SAMTOR: variants seen among roughly 807,000 people sequenced by gnomAD.
SAMTOR encodes S-adenosylmethionine sensor upstream of mTORC1.
chr7:112,939,715 A>G, the SAMTOR span: 8 of 1,608,902 alleles, frequency 5.0e-6, no homozygotes, highest in Non-Finnish European at 6.8e-6. Flanking sequence ...CCCTCTGCGC[A>G]CGAGCAGTAT....
chr7:112,839,801 A>G, the SAMTOR span, among the ~76,000 whole-genome samples: 2 of 151,866 alleles, frequency 1.3e-5, no homozygotes, highest in Non-Finnish European at 2.9e-5. Context: ...TGTTTCATAT[A>G]TGCATACGAT....
the SAMTOR span, among the ~76,000 whole-genome samples, chr7:112,888,436 A>G: frequency 6.6e-6 from 1 of 152,172 alleles, no homozygotes; most frequent in South Asian, 2.1e-4. Context: ...TTACAAATAT[A>G]TGTGTACACA....
the SAMTOR span, among the ~76,000 whole-genome samples, chr7:112,923,340 C>T: frequency 0.59 from 89,763 of 151,548 alleles, 29,659 homozygotes; most frequent in East Asian, 0.9. Context: ...ACAAACACTG[C>T]GGAAGGCTGC....
At chr7:112,926,542 G>A in the SAMTOR span, among the ~76,000 whole-genome samples, 15 of 152,080 alleles carry the variant, frequency 9.9e-5, no homozygotes, top group African/African-American at 2.9e-4. Context: ...TCAATTTAAC[G>A]ATTTCATTAA....
the SAMTOR span, among the ~76,000 whole-genome samples, chr7:112,922,608 G>A: frequency 3.4e-5 from 5 of 148,242 alleles, no homozygotes; most frequent in South Asian, 2.2e-4. Flanking sequence ...CTGCCCCGCC[G>A]CCCCGTCTGG....
At chr7:112,863,098 T>A in the SAMTOR span, among the ~76,000 whole-genome samples, 2 of 151,946 alleles carry the variant, frequency 1.3e-5, no homozygotes, top group East Asian at 3.9e-4. Flanking sequence ...TATAGGCCAA[T>A]GGAACAGAAT....
the SAMTOR span, among the ~76,000 whole-genome samples, chr7:112,916,077 G>C: frequency 1.3e-5 from 2 of 152,038 alleles, no homozygotes; most frequent in South Asian, 2.1e-4. Flanking sequence ...TATAATTCTA[G>C]GTCAAAAAAG....
At chr7:112,832,618 T>C in the SAMTOR span, 3 of 1,613,454 alleles carry the variant, frequency 1.9e-6, no homozygotes, top group Admixed American at 1.7e-5. Context: ...ACTTCAGAAA[T>C]GGGTTAAAGC....
the SAMTOR span, among the ~76,000 whole-genome samples, chr7:112,916,946 C>G: frequency 2.6e-5 from 4 of 152,196 alleles, no homozygotes; most frequent in African/African-American, 9.7e-5. Flanking sequence ...CAGGGAAGCT[C>G]GAACTGGGTG....
chr7:112,846,986 T>C, the SAMTOR span, among the ~76,000 whole-genome samples: 1 of 152,230 alleles, frequency 6.6e-6, no homozygotes, highest in Non-Finnish European at 1.5e-5. Context: ...GCTACCCTGG[T>C]TTCTCTTAGA....
chr7:112,875,993 C>T, the SAMTOR span, among the ~76,000 whole-genome samples: 3 of 152,146 alleles, frequency 2.0e-5, no homozygotes, highest in African/African-American at 7.2e-5. Flanking sequence ...CAGGGTCTCG[C>T]TCTGTCACTC....
At chr7:112,883,201 T>TA in the SAMTOR span, among the ~76,000 whole-genome samples, 1 of 152,336 alleles carries the variant, frequency 6.6e-6, no homozygotes, top group South Asian at 2.1e-4. Flanking sequence ...TGACTGCCAC[T>TA]ACTCCTTCCC....
chr7:112,830,545 C>T, the SAMTOR span, among the ~76,000 whole-genome samples: 5 of 152,156 alleles, frequency 3.3e-5, no homozygotes, highest in Admixed American at 6.5e-5. Flanking sequence ...TGAAGAACAT[C>T]TCTCATGTAT....
the SAMTOR span, among the ~76,000 whole-genome samples, chr7:112,825,853 G>GTT: frequency 5.0e-5 from 7 of 139,538 alleles, no homozygotes; most frequent in African/African-American, 7.8e-5. Flanking sequence ...TAAATTCTGA[G>GTT]TTTTTTTTTT....
At chr7:112,879,716 T>C in the SAMTOR span, among the ~76,000 whole-genome samples, 9 of 152,288 alleles carry the variant, frequency 5.9e-5, no homozygotes, top group African/African-American at 1.9e-4. Flanking sequence ...GCAATTTTGA[T>C]TCTGAATTTT....
chr7:112,898,913 G>A, the SAMTOR span, among the ~76,000 whole-genome samples: 1,620 of 152,286 alleles, frequency 0.011, 29 homozygotes, highest in African/African-American at 0.037. Context: ...GTGACCACAG[G>A]CTTAGGTAAT....
chr7:112,883,243 T>G, the SAMTOR span, among the ~76,000 whole-genome samples: 1 of 152,136 alleles, frequency 6.6e-6, no homozygotes, highest in Admixed American at 6.5e-5. Flanking sequence ...CAATCTCAAG[T>G]AGATTGTTAT....
At chr7:112,871,942 G>T in the SAMTOR span, among the ~76,000 whole-genome samples, 1 of 152,142 alleles carries the variant, frequency 6.6e-6, no homozygotes, top group Non-Finnish European at 1.5e-5. Context: ...ATTAAATTGG[G>T]AAGAAATTGA....
At chr7:112,917,453 A>G in the SAMTOR span, among the ~76,000 whole-genome samples, 1 of 152,200 alleles carries the variant, frequency 6.6e-6, no homozygotes, top group Non-Finnish European at 1.5e-5. Flanking sequence ...TCTGTACATC[A>G]CCATCATCAC....
Sources: gnomAD v4.1 joint callset for allele counts (sites outside exome capture counted in the v4.1 genomes callset) on GRCh38, gnomAD v4.1.1 for gene constraint, MANE v1.5 for transcripts, NCBI Gene and HGNC (gene_info 2026-07-23, HGNC 2026-07-21) for gene names.